Variants in KLKB1 observed in about 807,000 individuals in gnomAD.
The protein encoded by KLKB1 is kallikrein B1.
Under a neutral mutation model 73.6 loss-of-function variants are expected in KLKB1, and 58 were observed. That is an observed-to-expected ratio of 0.79 (90% confidence interval 0.64 to 0.98). KLKB1 has a LOEUF of 0.98. Ranked by LOEUF, KLKB1 falls within the 50% of genes least tolerant of loss-of-function variation. KLKB1 has a pLI of 0.00. For synonymous variants in KLKB1, 280 were observed against 258.1 expected, an observed-to-expected ratio of 1.08 and a Z score of -0.81; for missense variants, 737 against 763.8, an observed-to-expected ratio of 0.96 and a Z score of 0.41.
chr4:186,256,103 T>A lies in KLKB1; in HGVS notation c.1585+16T>A. 1 of 1,489,490 alleles carries A rather than the reference T, an allele frequency of 6.7e-7. No individual in the cohort carries two copies. The highest frequency in any genetic ancestry group is 9.4e-7 in the Non-Finnish European group (1 of 1,066,414). 92.3% of individuals were successfully genotyped at this position (1,489,490 alleles called of 1,614,324 possible). A position where few individuals can be genotyped will look rare whatever the true frequency, so the allele number is the denominator to read the frequency against. On this transcript the variant is annotated intron_variant, in intron 13 of 14. Transcript: ENST00000264690. ...AAGGAGAAAGGTAAGCATGACGCTTTAAATATTGCTTCTAGAGTAAGTCTC... is the reference window on the plus strand; with the variant it reads ...AAGGAGAAAGGTAAGCATGACGCTTAAAATATTGCTTCTAGAGTAAGTCTC...
At chr4:186,212,386 G>A (rs572301903) in intron 2 of KLKB1, 4 of 152,278 alleles carry the variant, frequency 2.6e-5, no homozygotes, top group African/African-American at 9.6e-5. Context: ...CAACCTTATA[G>A]ATCATACTTA....
chr4:186,216,156 G>T (rs182551517), intron 2 of KLKB1, among the ~76,000 whole-genome samples: 3 of 152,354 alleles, frequency 2.0e-5, no homozygotes, highest in Admixed American at 2.0e-4. Flanking sequence ...ATGTGAGGAT[G>T]AGATGGTCCA....
At chr4:186,215,303 G>T (rs1365175648) in intron 2 of KLKB1, among the ~76,000 whole-genome samples, 1 of 141,242 alleles carries the variant, frequency 7.1e-6, no homozygotes, top group African/African-American at 2.8e-5. Flanking sequence ...CTGGGAAGGA[G>T]AGTAGCCTTT....
chr4:186,232,312 T>A (rs1012380472), intron 3 of KLKB1, 23 bp downstream of exon 3: 2 of 1,608,724 alleles, frequency 1.2e-6, no homozygotes. Flanking sequence ...ATTTCATTAT[T>A]GGAGAAGCTG....
chr4:186,229,749 T>A (rs1737307236), intron 2 of KLKB1, among the ~76,000 whole-genome samples: 1 of 152,188 alleles, frequency 6.6e-6, no homozygotes, highest in Non-Finnish European at 1.5e-5. Context: ...CATATTTATC[T>A]TTCTGGAAAC....
chr4:186,249,853 T>TAATC (rs1322997733), intron 6 of KLKB1, among the ~76,000 whole-genome samples: 1 of 152,340 alleles, frequency 6.6e-6, no homozygotes, highest in Non-Finnish European at 1.5e-5. Flanking sequence ...GCATTTTTGT[T>TAATC]AATCACTTCT....
chr4:186,219,801 G>A (rs1423407740), intron 2 of KLKB1, among the ~76,000 whole-genome samples: 2 of 152,106 alleles, frequency 1.3e-5, no homozygotes, highest in African/African-American at 4.8e-5. Flanking sequence ...GGATTGGGCT[G>A]TTGTAGTTTC....
At chr4:186,217,238 C>T (rs1406373420) in intron 2 of KLKB1, among the ~76,000 whole-genome samples, 1 of 152,096 alleles carries the variant, frequency 6.6e-6, no homozygotes, top group Non-Finnish European at 1.5e-5. Context: ...AAAACAAACC[C>T]TGAGGGTTTC....
chr4:186,217,084 T>G (rs1736922538), intron 2 of KLKB1, among the ~76,000 whole-genome samples: 1 of 152,238 alleles, frequency 6.6e-6, no homozygotes, highest in African/African-American at 2.4e-5. Flanking sequence ...TCAATTTAGT[T>G]CTGATTTGGT....
At position 186,254,537 on chromosome 4, in the gene KLKB1, T is replaced by C. The variant is rs376795132; in HGVS notation, c.1314-51T>C. 7.7e-6 allele frequency: 11 copies of C among 1,428,380 alleles called. No homozygotes were observed. The African/African-American group carries it at 1.3e-4, about 16-fold the overall frequency. 88.5% of individuals were successfully genotyped at this position (1,428,380 alleles called of 1,614,324 possible). ...AGAGTGATAGGAAAAAGGAACACTA[T>C]TGAAGGAAGGACTGCCCAGTTTCAA... On this transcript the variant is annotated intron_variant, in intron 11 of 14. Coordinates refer to ENST00000264690, the MANE Select transcript of KLKB1 (RefSeq NM_000892.5).
At chr4:186,244,461 G>A (rs1222764237) in intron 6 of KLKB1, among the ~76,000 whole-genome samples, 3 of 152,214 alleles carry the variant, frequency 2.0e-5, no homozygotes, top group African/African-American at 4.8e-5. Context: ...CTGAAGTAAT[G>A]GGGGCTGTCC....
At position 186,258,306 on chromosome 4, in the gene KLKB1, A is replaced by C; in HGVS notation, c.*94A>C. 1 of 1,057,692 alleles carries C rather than the reference A, an allele frequency of 9.5e-7. No individual in the cohort carries two copies. The highest frequency in any genetic ancestry group is 1.3e-5 in the South Asian group (1 of 74,144). The allele number at this position is 1,057,692 out of a possible 1,614,324, so 65.5% of individuals were successfully genotyped here. On this transcript the variant is annotated 3_prime_UTR_variant, in exon 15 of 15. Coordinates refer to ENST00000264690, the MANE Select transcript of KLKB1 (RefSeq NM_000892.5). ...TCATCTGCAAAGCATGGAGAGTGGC[A>C]TCTTCTTTGCATCCTAAGGACGAAA...
chr4:186,232,959 G>C (rs1737476599), intron 3 of KLKB1, among the ~76,000 whole-genome samples: 1 of 152,176 alleles, frequency 6.6e-6, no homozygotes, highest in Non-Finnish European at 1.5e-5. Context: ...TTGTAGCCCA[G>C]GCTGGAGTGC....
intron 4 of KLKB1, among the ~76,000 whole-genome samples, chr4:186,234,513 T>C (rs1737555989): frequency 2.0e-5 from 3 of 152,202 alleles, no homozygotes. Context: ...TATTAGCATT[T>C]ACTAAGTAGA....
At chr4:186,213,875 G>A (rs927616316) in intron 2 of KLKB1, among the ~76,000 whole-genome samples, 3 of 152,086 alleles carry the variant, frequency 2.0e-5, no homozygotes, top group Non-Finnish European at 2.9e-5. Flanking sequence ...TTTAGTCTGC[G>A]TGGGCACCCT....
chr4:186,238,449 C>CT, intron 6 of KLKB1, 84 bp downstream of exon 6: 1 of 929,614 alleles, frequency 1.1e-6, no homozygotes, highest in Non-Finnish European at 1.8e-6. Flanking sequence ...GCCCTGGGAC[C>CT]TGTGCGTGTG....
chr4:186,218,629 AGTGT>A (rs536955243), intron 2 of KLKB1, among the ~76,000 whole-genome samples: 24 of 144,440 alleles, frequency 1.7e-4, no homozygotes, highest in African/African-American at 2.3e-4. Flanking sequence ...TATTTTACAT[AGTGT>A]GTGTGTGTGT....
chr4:186,255,082 A>G (rs1046099834), intron 12 of KLKB1, among the ~76,000 whole-genome samples: 1 of 152,214 alleles, frequency 6.6e-6, no homozygotes, highest in African/African-American at 2.4e-5. Flanking sequence ...CAGAACTGTC[A>G]TTGCTTTGGG....
chr4:186,256,370 G>T (rs1196554609), intron 13 of KLKB1, among the ~76,000 whole-genome samples: 2 of 152,166 alleles, frequency 1.3e-5, no homozygotes, highest in African/African-American at 2.4e-5. Flanking sequence ...TGACAAGCCC[G>T]TGCAAGACCA....
Sources: allele counts gnomAD v4.1 joint callset (sites outside exome capture counted in the v4.1 genomes callset), GRCh38; gene constraint gnomAD v4.1.1; transcripts MANE v1.5; gene names NCBI Gene and HGNC (gene_info 2026-07-23, HGNC 2026-07-21).